Variants in VPS13B observed in about 807,000 individuals in gnomAD.
The protein encoded by VPS13B is intermembrane lipid transfer protein VPS13B.
In VPS13B, 285 loss-of-function variants were observed where a neutral mutation model predicts 426.4. The ratio of observed to expected loss-of-function variants is 0.67; its 90% confidence interval spans 0.61 to 0.74. The LOEUF (loss-of-function observed/expected upper bound fraction) is 0.74, where lower values mean the gene tolerates loss of function less well. Among genes scored for constraint, VPS13B ranks in the 30% least tolerant of loss-of-function variants. The pLI is 0.00. For missense variants in VPS13B, 4,537 were observed against 4,782.6 expected (o/e 0.95, Z 1.51); for synonymous variants, 1,676 against 1,676.4 (o/e 1.00, Z 0.01).
intron 33 of VPS13B, among the ~76,000 whole-genome samples, chr8:99,611,133 T>A (rs1827830680): frequency 1.3e-5 from 2 of 152,302 alleles, no homozygotes; most frequent in South Asian, 4.1e-4. Flanking sequence ...ATTTTAAGAA[T>A]GAGATGTGCC....
At chr8:99,825,297 C>T (rs965863351) in intron 51 of VPS13B, among the ~76,000 whole-genome samples, 3 of 151,984 alleles carry the variant, frequency 2.0e-5, no homozygotes, top group East Asian at 1.9e-4. Flanking sequence ...ATCTCATTGT[C>T]GTTTTTATTT....
chr8:99,627,419 T>G (rs1044863752), intron 33 of VPS13B, among the ~76,000 whole-genome samples: 1 of 152,130 alleles, frequency 6.6e-6, no homozygotes, highest in Non-Finnish European at 1.5e-5. Flanking sequence ...TTTTATTTTA[T>G]TTATTTATTT....
intron 15 of VPS13B, among the ~76,000 whole-genome samples, chr8:99,162,602 C>G (rs984845059): frequency 1.3e-5 from 2 of 151,782 alleles, no homozygotes; most frequent in African/African-American, 2.4e-5. Flanking sequence ...AAGCTGCAGA[C>G]GTTTGCAGTG....
chr8:99,772,827 C>T (rs1338907661), intron 40 of VPS13B, among the ~76,000 whole-genome samples: 1 of 152,174 alleles, frequency 6.6e-6, no homozygotes, highest in African/African-American at 2.4e-5. Flanking sequence ...CATCCTCTCT[C>T]ACCTCTCTCC....
rs185198130 is a variant in VPS13B, at chr8:99,311,161, C to G, written c.2824+35907C>G. Among the ~76,000 whole-genome samples, 469 of 152,248 alleles carry G rather than the reference C, an allele frequency of 3.1e-3. 2 individuals are homozygous for G. Among genetic ancestry groups the G allele is most frequent in the African/African-American group, 1.0e-2 (414 of 41,552 alleles). Reference sequence around the variant, plus strand: ...ATTTTTTGAAGGGTGTTTTGTGTCTCTATTTCCTTCAGTTCTGCTCTGATT... The same window carrying G: ...ATTTTTTGAAGGGTGTTTTGTGTCTGTATTTCCTTCAGTTCTGCTCTGATT... On this transcript the variant is annotated intron_variant, in intron 19 of 61. Transcript: ENST00000357162.
At chr8:99,648,029 C>T (rs188271108) in intron 34 of VPS13B, among the ~76,000 whole-genome samples, 1 of 152,270 alleles carries the variant, frequency 6.6e-6, no homozygotes, top group Admixed American at 6.5e-5. Flanking sequence ...TTTAAAATTA[C>T]ATCTTCCCTC....
intron 31 of VPS13B, among the ~76,000 whole-genome samples, chr8:99,573,733 T>C (rs1825613195): frequency 6.6e-6 from 1 of 152,202 alleles, no homozygotes; most frequent in Admixed American, 6.5e-5. Context: ...TCAGGTAGCG[T>C]GATGCCTCCA....
intron 17 of VPS13B, among the ~76,000 whole-genome samples, chr8:99,225,478 G>A (rs552638457): frequency 1.3e-4 from 20 of 152,130 alleles, no homozygotes; most frequent in Non-Finnish European, 2.8e-4. Flanking sequence ...GGGTTTCACC[G>A]TGTTAGCCAG....
intron 3 of VPS13B, among the ~76,000 whole-genome samples, chr8:99,059,511 T>C (rs1423287187): frequency 3.3e-5 from 5 of 152,092 alleles, no homozygotes; most frequent in Admixed American, 1.3e-4. Flanking sequence ...TATCAATTGA[T>C]ACAGTCTGCC....
intron 15 of VPS13B, among the ~76,000 whole-genome samples, chr8:99,162,165 G>A (rs1020026181): frequency 1.3e-5 from 2 of 151,512 alleles, no homozygotes; most frequent in African/African-American, 2.4e-5. Flanking sequence ...TTTTTTATAC[G>A]GCTATTGTGA....
intron 19 of VPS13B, among the ~76,000 whole-genome samples, chr8:99,349,822 A>G (rs1279229746): frequency 6.6e-6 from 1 of 152,164 alleles, no homozygotes; most frequent in Admixed American, 6.5e-5. Flanking sequence ...ACATTGTGTT[A>G]ATTTATTTCA....
At chr8:99,029,887 C>T (rs1354569858) in intron 2 of VPS13B, among the ~76,000 whole-genome samples, 2 of 152,024 alleles carry the variant, frequency 1.3e-5, no homozygotes, top group African/African-American at 4.8e-5. Flanking sequence ...TCACACTTTT[C>T]CTATTTTTAA....
intron 17 of VPS13B, chr8:99,233,463 CTGGGT>C: frequency 7.4e-7 from 1 of 1,352,194 alleles, no homozygotes; most frequent in Non-Finnish European, 1.1e-6. Flanking sequence ...TACCCACAGC[CTGGGT>C]TGGGATGAAG....
chr8:99,741,165 G>T (rs1334245651), intron 39 of VPS13B, among the ~76,000 whole-genome samples: 1 of 152,106 alleles, frequency 6.6e-6, no homozygotes, highest in South Asian at 2.1e-4. Flanking sequence ...AAAGGCAAGG[G>T]TTGCAATCCT....
intron 52 of VPS13B, among the ~76,000 whole-genome samples, chr8:99,834,681 T>C (rs201517593): frequency 1.3e-5 from 2 of 152,196 alleles, no homozygotes; most frequent in East Asian, 3.9e-4. Context: ...ACCTCAGCCT[T>C]CCAAGTAGCT....
At position 99,229,355 on chromosome 8, in the gene VPS13B, G is replaced by A. The variant is rs141381084; in HGVS notation, c.2515+36298G>A. ...GAATGCCCTTGGCTGAAAAGCTGAA[G>A]TCAACTTAATAAAAGCTAACAGCTG... On this transcript the variant is annotated intron_variant, in intron 17 of 61. Transcript: ENST00000357162. Among the ~76,000 whole-genome samples the A allele has an allele frequency of 3.4e-3, 523 of 152,316 alleles. 4 individuals carry two copies. The highest frequency in any genetic ancestry group is 5.6e-3 in the Non-Finnish European group (384 of 68,018).
At position 99,750,256 on chromosome 8, in the gene VPS13B, AC is replaced by A. The variant is rs551127229; in HGVS notation, c.7051-16517del. ...TTGTGGACATTTGTGAATTTATGTT[AC>A]TTTTATATGTTTATTTCTTGACCCT... On this transcript the variant is annotated intron_variant, in intron 39 of 61. Transcript: ENST00000357162. Among the ~76,000 whole-genome samples, 465 of 152,136 alleles carry A rather than the reference AC, an allele frequency of 3.1e-3. 1 individual carries two copies. Among genetic ancestry groups the A allele is most frequent in the Middle Eastern group, 6.8e-3 (2 of 294 alleles).
intron 22 of VPS13B, among the ~76,000 whole-genome samples, chr8:99,436,375 GA>G (rs1166411558): frequency 1.3e-5 from 2 of 152,028 alleles, no homozygotes; most frequent in Non-Finnish European, 2.9e-5. Context: ...TTATGATAGT[GA>G]TTTTCCTCAT....
At chr8:99,635,625 T>G (rs1829036984) in intron 33 of VPS13B, among the ~76,000 whole-genome samples, 2 of 152,014 alleles carry the variant, frequency 1.3e-5, no homozygotes, top group African/African-American at 4.8e-5. Flanking sequence ...GTTTTTGTCC[T>G]TAATAATTCT....
Sources: gnomAD v4.1 joint callset for allele counts (sites outside exome capture counted in the v4.1 genomes callset) on GRCh38, gnomAD v4.1.1 for gene constraint, MANE v1.5 for transcripts, NCBI Gene and HGNC (gene_info 2026-07-23, HGNC 2026-07-21) for gene names.